GLMN: variants seen among roughly 807,000 people sequenced by gnomAD.
GLMN encodes glomulin.
Under a neutral mutation model 87.8 loss-of-function variants are expected in GLMN, and 75 were observed. The ratio of observed to expected loss-of-function variants is 0.85; its 90% CI spans 0.71 to 1.04. The LOEUF is 1.04. Ranked by LOEUF, GLMN falls within the 50% of genes least tolerant of loss-of-function variation. The pLI is 0.00. For missense variants in GLMN, 588 were observed against 658.8 expected (o/e 0.89, Z 1.18); for synonymous variants, 206 against 221.6 (o/e 0.93, Z 0.63).
chr1:92,273,361 TC>T (rs1484581838), intron 7 of GLMN, among the ~76,000 whole-genome samples: 10 of 152,090 alleles, frequency 6.6e-5, no homozygotes, highest in Non-Finnish European at 1.5e-4. Flanking sequence ...GCACTCTGAT[TC>T]CAAATGTCCT....
At chr1:92,315,111 CAA>C in the GLMN span, among the ~76,000 whole-genome samples, 14 of 135,886 alleles carry the variant, frequency 1.0e-4, no homozygotes, top group African/African-American at 3.3e-4. Context: ...GTTGCAGTCT[CAA>C]AAAAAAAAAA....
At chr1:92,281,329 A>C (rs922196094) in intron 7 of GLMN, among the ~76,000 whole-genome samples, 1 of 152,224 alleles carries the variant, frequency 6.6e-6, no homozygotes, top group East Asian at 1.9e-4. Context: ...TTCTTAAAGA[A>C]AAGAATTTTC....
At chr1:92,250,078 A>G (rs4658298) in intron 16 of GLMN, among the ~76,000 whole-genome samples, 39,652 of 151,872 alleles carry the variant, frequency 0.26, 6,553 homozygotes, top group Non-Finnish European at 0.35. Context: ...TTTCAAGACT[A>G]GGTTACTGAT....
intron 3 of GLMN, among the ~76,000 whole-genome samples, chr1:92,292,263 G>A (rs564002201): frequency 2.3e-4 from 25 of 107,568 alleles, no homozygotes; most frequent in Non-Finnish European, 3.7e-4. Context: ...TTAAAAGCAC[G>A]GTGGTTGGCT....
chr1:92,329,724 G>T, the GLMN span, among the ~76,000 whole-genome samples: 3 of 151,956 alleles, frequency 2.0e-5, no homozygotes, highest in Non-Finnish European at 4.4e-5. Context: ...AACCAACTTT[G>T]CATTCTTATA....
the GLMN span, among the ~76,000 whole-genome samples, chr1:92,317,305 G>C: frequency 1.3e-5 from 2 of 152,078 alleles, no homozygotes; most frequent in East Asian, 3.9e-4. Flanking sequence ...TCAGGAATTC[G>C]AGACCAGCCT....
the GLMN span, among the ~76,000 whole-genome samples, chr1:92,315,551 G>A: frequency 6.6e-6 from 1 of 152,132 alleles, no homozygotes; most frequent in Non-Finnish European, 1.5e-5. Flanking sequence ...GTTAAACAAG[G>A]TATGCTTGTG....
At chr1:92,345,875 C>T in the GLMN span, 7 of 1,604,622 alleles carry the variant, frequency 4.4e-6, no homozygotes, top group Non-Finnish European at 6.0e-6. Flanking sequence ...ATACACAAAC[C>T]TGCGGAATGG....
At chr1:92,277,238 C>G (rs1431546457) in intron 7 of GLMN, among the ~76,000 whole-genome samples, 1 of 152,198 alleles carries the variant, frequency 6.6e-6, no homozygotes, top group African/African-American at 2.4e-5. Flanking sequence ...TCATTGCTTA[C>G]TTAACTCCCA....
chr1:92,325,042 T>C, the GLMN span, among the ~76,000 whole-genome samples: 2 of 152,200 alleles, frequency 1.3e-5, no homozygotes, highest in Non-Finnish European at 2.9e-5. Flanking sequence ...TATAAAGCAT[T>C]TATCACAGTA....
chr1:92,324,004 G>A, the GLMN span: 1 of 1,614,018 alleles, frequency 6.2e-7, no homozygotes, highest in East Asian at 2.2e-5. Context: ...TCCTGAAGTT[G>A]GAAAGAGAAA....
At chr1:92,254,982 G>C (rs1654026406) in intron 16 of GLMN, among the ~76,000 whole-genome samples, 1 of 151,852 alleles carries the variant, frequency 6.6e-6, no homozygotes, top group Admixed American at 6.6e-5. Flanking sequence ...AAAGAGTCAA[G>C]ACCCATCAGT....
the GLMN span, chr1:92,333,415 G>C: frequency 6.2e-7 from 1 of 1,613,588 alleles, no homozygotes; most frequent in East Asian, 2.2e-5. Flanking sequence ...TCCACTGATA[G>C]ACTCAAGTTC....
At chr1:92,331,744 T>G in the GLMN span, among the ~76,000 whole-genome samples, 2 of 152,168 alleles carry the variant, frequency 1.3e-5, no homozygotes, top group Non-Finnish European at 2.9e-5. Context: ...TTCATTGTTT[T>G]TCATTCCTTC....
chr1:92,326,151 T>C, the GLMN span, among the ~76,000 whole-genome samples: 4 of 152,162 alleles, frequency 2.6e-5, no homozygotes, highest in South Asian at 8.3e-4. Flanking sequence ...ACTACTACTA[T>C]ATGGGAGTTT....
chr1:92,296,746 T>C (rs1650110422), intron 3 of GLMN, among the ~76,000 whole-genome samples: 1 of 152,218 alleles, frequency 6.6e-6, no homozygotes, highest in Non-Finnish European at 1.5e-5. Flanking sequence ...TGGAGGATGA[T>C]TTCTCAAACC....
chr1:92,300,100 T>C (rs1018324758), upstream of GLMN: 1 of 794,436 alleles, frequency 1.3e-6, no homozygotes, highest in Non-Finnish European at 2.1e-6. Context: ...ACAGTAAAAA[T>C]ACAGTATTTT....
At chr1:92,319,759 G>T in the GLMN span, among the ~76,000 whole-genome samples, 1 of 152,192 alleles carries the variant, frequency 6.6e-6, no homozygotes, top group Non-Finnish European at 1.5e-5. Context: ...AGCACTTTGG[G>T]AGGCCAAGGC....
the GLMN span, chr1:92,304,158 A>C: frequency 8.1e-7 from 1 of 1,242,130 alleles, no homozygotes; most frequent in Non-Finnish European, 1.2e-6. Flanking sequence ...AAGAAATAAA[A>C]CCTAAGGTCA....
Sources: allele counts gnomAD v4.1 joint callset (sites outside exome capture counted in the v4.1 genomes callset), GRCh38; gene constraint gnomAD v4.1.1; transcripts MANE v1.5; gene names NCBI Gene and HGNC (gene_info 2026-07-23, HGNC 2026-07-21).